The following KMT2E variants were observed in gnomAD, a reference collection of about 807,000 sequenced individuals.
KMT2E encodes lysine methyltransferase 2E (inactive).
In KMT2E, 30 loss-of-function variants were observed where a neutral mutation model predicts 184.6. The ratio of observed to expected loss-of-function variants is 0.16; its 90% CI spans 0.12 to 0.22. KMT2E has a LOEUF of 0.22. Ranked by LOEUF, KMT2E falls within the 10% of genes least tolerant of loss-of-function variation. The pLI, the probability that KMT2E is intolerant of heterozygous loss-of-function variation, is 1.00. For synonymous variants in KMT2E, 815 were observed against 776.5 expected (o/e 1.05, Z -0.82); for missense variants, 2,023 against 2,237.4 (o/e 0.90, Z 1.93).
chr7:105,045,699 G>A (rs1262433341), intron 3 of KMT2E, among the ~76,000 whole-genome samples: 2 of 152,064 alleles, frequency 1.3e-5, no homozygotes, highest in Admixed American at 6.5e-5. Flanking sequence ...ATCTCTTGAC[G>A]TACACTTGGG....
chr7:105,018,824 A>T (rs909550407), intron 1 of KMT2E, among the ~76,000 whole-genome samples: 11 of 152,216 alleles, frequency 7.2e-5, no homozygotes, highest in Admixed American at 5.9e-4. Context: ...TGTATTACCT[A>T]CAAATTTACT....
chr7:105,043,695 A>G (rs1295415459), intron 3 of KMT2E, among the ~76,000 whole-genome samples: 1 of 152,262 alleles, frequency 6.6e-6, no homozygotes, highest in Non-Finnish European at 1.5e-5. Flanking sequence ...GATTATTGCA[A>G]ACAGAGTAGT....
At chr7:105,063,761 C>G (rs1796915381) in intron 5 of KMT2E, 181 bp downstream of exon 5, 1 of 562,888 alleles carries the variant, frequency 1.8e-6, no homozygotes, top group African/African-American at 1.9e-5. Flanking sequence ...TACTAGAAAT[C>G]CCTGTTGTTA....
chr7:105,065,949 A>C (rs549841230), intron 5 of KMT2E, among the ~76,000 whole-genome samples: 12 of 152,316 alleles, frequency 7.9e-5, no homozygotes, highest in African/African-American at 2.9e-4. Context: ...AAACTGGTCC[A>C]TGTATTCTAT....
At chr7:105,076,118 T>G (rs1357913243) in intron 9 of KMT2E, 37 bp downstream of exon 9, 1 of 1,412,612 alleles carries the variant, frequency 7.1e-7, no homozygotes, top group South Asian at 1.2e-5. Flanking sequence ...TTATCAACTG[T>G]CATTTATTCA....
At chr7:105,061,008 A>T (rs950732698) in intron 3 of KMT2E, among the ~76,000 whole-genome samples, 1 of 152,208 alleles carries the variant, frequency 6.6e-6, no homozygotes, top group Non-Finnish European at 1.5e-5. Context: ...GCAAAGCATG[A>T]CTATATTCAG....
chr7:105,098,835 A>G (rs1334949922), intron 15 of KMT2E, among the ~76,000 whole-genome samples: 3 of 152,226 alleles, frequency 2.0e-5, no homozygotes, highest in Admixed American at 6.5e-5. Flanking sequence ...CATAAAAACA[A>G]TGTATAGATT....
At chr7:105,045,510 T>G (rs959968497) in intron 3 of KMT2E, among the ~76,000 whole-genome samples, 1 of 152,202 alleles carries the variant, frequency 6.6e-6, no homozygotes, top group South Asian at 2.1e-4. Context: ...TATTTGCCTA[T>G]TCTAGATACC....
At chr7:105,057,874 A>C (rs778608018) in intron 3 of KMT2E, among the ~76,000 whole-genome samples, 2 of 152,198 alleles carry the variant, frequency 1.3e-5, no homozygotes, top group Non-Finnish European at 2.9e-5. Flanking sequence ...TATATAACAA[A>C]ATTAACATAA....
intron 4 of KMT2E, 91 bp from the exon 5 acceptor site, chr7:105,063,260 A>C: frequency 2.2e-6 from 2 of 925,100 alleles, no homozygotes; most frequent in South Asian, 1.8e-5. Context: ...TTGAGTATTG[A>C]AATTAAGGGT....
At chr7:105,075,819 TG>T (rs1797502787) in intron 8 of KMT2E, among the ~76,000 whole-genome samples, 1 of 152,128 alleles carries the variant, frequency 6.6e-6, no homozygotes, top group Non-Finnish European at 1.5e-5. Flanking sequence ...CCTGAGTAGC[TG>T]GGACGACAGG....
intron 15 of KMT2E, among the ~76,000 whole-genome samples, chr7:105,092,919 C>T (rs1319486909): frequency 1.3e-5 from 2 of 152,072 alleles, no homozygotes; most frequent in African/African-American, 2.4e-5. Flanking sequence ...ATAGGCCAGG[C>T]GTGGTAGCTC....
chr7:105,027,172 C>G (rs537213363), intron 1 of KMT2E, among the ~76,000 whole-genome samples: 23 of 149,738 alleles, frequency 1.5e-4, no homozygotes, highest in Admixed American at 1.3e-3. Context: ...GCCTTAATCT[C>G]CCAGGCTCAA....
chr7:105,027,039 A>G (rs1795202669), intron 1 of KMT2E, among the ~76,000 whole-genome samples: 1 of 139,706 alleles, frequency 7.2e-6, no homozygotes, highest in Non-Finnish European at 1.6e-5. Context: ...TTTTTCATTT[A>G]TATATAAAAT....
At position 105,102,332 on chromosome 7, in the gene KMT2E, A is replaced by C; in HGVS notation, c.2196+138A>C. The C allele has an allele frequency of 6.5e-6, 4 of 615,192 alleles. No individual in the cohort carries two copies. The South Asian group carries it at 1.0e-4, about 16-fold the overall frequency. 38.1% of individuals were successfully genotyped at this position (615,192 alleles called of 1,614,324 possible). ...ATACTTGCAGATTTTAAAACTAAGA[A>C]TGAGAATTCCAAAACTGTAAAATTA... On this transcript the variant is annotated intron_variant, in intron 17 of 26. Coordinates refer to ENST00000311117, the MANE Select transcript of KMT2E (RefSeq NM_182931.3).
intron 1 of KMT2E, among the ~76,000 whole-genome samples, chr7:105,015,526 C>G (rs927614812): frequency 6.6e-6 from 1 of 152,066 alleles, no homozygotes; most frequent in Non-Finnish European, 1.5e-5. Flanking sequence ...TTCTGGAGAC[C>G]TTGGAGAGAA....
chr7:105,024,409 C>G (rs1359697337), intron 1 of KMT2E, among the ~76,000 whole-genome samples: 1 of 152,126 alleles, frequency 6.6e-6, no homozygotes, highest in African/African-American at 2.4e-5. Context: ...GATTTTCTTT[C>G]AGGCCAGAAC....
At chr7:105,051,867 G>T (rs191855938) in intron 3 of KMT2E, among the ~76,000 whole-genome samples, 1 of 152,246 alleles carries the variant, frequency 6.6e-6, no homozygotes, top group East Asian at 1.9e-4. Flanking sequence ...GGGATTATAG[G>T]CATGAACCGC....
In KMT2E at chr7:105,102,245, AATTAT is replaced by A. The variant is rs1431763005; in HGVS notation, c.2196+55_2196+59del. On this transcript the variant is annotated intron_variant, in intron 17 of 26. Coordinates refer to ENST00000311117, the MANE Select transcript of KMT2E (RefSeq NM_182931.3). ...TGTTTTTCTAACAGTTTCTTATATT[AATTAT>A]ATTGTTGTTTTAAAAATTGGATTTT... 11 of 1,470,000 alleles carry A rather than the reference AATTAT, an allele frequency of 7.5e-6. 1 individual carries two copies. Among genetic ancestry groups the A allele is most frequent in the African/African-American group, 7.3e-5 (5 of 68,426 alleles). The allele number at this position is 1,470,000 out of a possible 1,614,324, so 91.1% of individuals were successfully genotyped here.
Sources: allele counts gnomAD v4.1 joint callset (sites outside exome capture counted in the v4.1 genomes callset), GRCh38; gene constraint gnomAD v4.1.1; transcripts MANE v1.5; gene names NCBI Gene and HGNC (gene_info 2026-07-23, HGNC 2026-07-21).